Variants in ADAMTS12 observed in about 807,000 individuals in gnomAD.
ADAMTS12 encodes ADAM metallopeptidase with thrombospondin type 1 motif 12.
Under a neutral mutation model 167.8 loss-of-function variants are expected in ADAMTS12, and 118 were observed. That is an observed-to-expected ratio of 0.70 (90% CI 0.61 to 0.82). The LOEUF is 0.82. Among genes scored for constraint, ADAMTS12 ranks in the 40% least tolerant of loss-of-function variants. The probability of loss-of-function intolerance (pLI) is 0.00; values close to 1 mark genes in which losing one functional copy is unlikely to be tolerated. For missense variants in ADAMTS12, 1,916 were observed against 1,998.8 expected, an observed-to-expected ratio of 0.96 and a Z score of 0.79; for synonymous variants, 704 against 716.9, an observed-to-expected ratio of 0.98 and a Z score of 0.29.
At chr5:33,889,842 C>T (rs1194853257) in intron 1 of ADAMTS12, among the ~76,000 whole-genome samples, 1 of 152,090 alleles carries the variant, frequency 6.6e-6, no homozygotes, top group Non-Finnish European at 1.5e-5. Flanking sequence ...ATCCCAGGTA[C>T]TTGGTTGGCT....
chr5:33,560,065 TA>T, intron 20 of ADAMTS12, among the ~76,000 whole-genome samples: 1 of 152,338 alleles, frequency 6.6e-6, no homozygotes, highest in Non-Finnish European at 1.5e-5. Context: ...GATTATTCAT[TA>T]AAATGCTAAA....
chr5:33,549,656 C>T (rs1487912911), intron 20 of ADAMTS12, among the ~76,000 whole-genome samples: 2 of 152,246 alleles, frequency 1.3e-5, no homozygotes, highest in Non-Finnish European at 2.9e-5. Flanking sequence ...GGTGTCCCAT[C>T]TCTAAACTGG....
At chr5:33,560,719 A>G (rs556291694) in intron 20 of ADAMTS12, among the ~76,000 whole-genome samples, 275 of 138,656 alleles carry the variant, frequency 2.0e-3, no homozygotes, top group Admixed American at 3.8e-3. Context: ...GAATTAAACA[A>G]TGAGAACACA....
At chr5:33,879,426 C>T (rs1750345986) in intron 2 of ADAMTS12, among the ~76,000 whole-genome samples, 1 of 152,068 alleles carries the variant, frequency 6.6e-6, no homozygotes, top group Non-Finnish European at 1.5e-5. Flanking sequence ...GACCAGGTGC[C>T]ATAATGCTTC....
chr5:33,864,839 G>A (rs1031495635), intron 2 of ADAMTS12, among the ~76,000 whole-genome samples: 2 of 152,202 alleles, frequency 1.3e-5, no homozygotes, highest in Admixed American at 6.5e-5. Flanking sequence ...GGGCCTGTAG[G>A]GGGTTAGGGG....
At chr5:33,664,835 C>A (rs1459791636) in intron 5 of ADAMTS12, among the ~76,000 whole-genome samples, 2 of 152,114 alleles carry the variant, frequency 1.3e-5, no homozygotes, top group Admixed American at 6.5e-5. Flanking sequence ...CAAAGAGATA[C>A]CTGCCATGTT....
intron 3 of ADAMTS12, among the ~76,000 whole-genome samples, chr5:33,717,253 C>A (rs1259867178): frequency 6.6e-6 from 1 of 151,974 alleles, no homozygotes; most frequent in African/African-American, 2.4e-5. Flanking sequence ...AAGCTCAGTC[C>A]TCGCAAGTAA....
At chr5:33,535,109 A>C in intron 22 of ADAMTS12, 117 bp from the exon 23 acceptor site, 1 of 1,087,442 alleles carries the variant, frequency 9.2e-7, no homozygotes, top group Non-Finnish European at 1.3e-6. Context: ...ATAACCAGAA[A>C]CCTTTTTGGA....
At chr5:33,856,351 G>A (rs1259060402) in intron 2 of ADAMTS12, among the ~76,000 whole-genome samples, 1 of 152,142 alleles carries the variant, frequency 6.6e-6, no homozygotes, top group Non-Finnish European at 1.5e-5. Context: ...ACATAAAGCT[G>A]GGCCAAATCC....
At chr5:33,561,228 A>T in intron 19 of ADAMTS12, 49 bp from the exon 20 acceptor site, 1 of 1,592,312 alleles carries the variant, frequency 6.3e-7, no homozygotes, top group African/African-American at 1.3e-5. Flanking sequence ...TCACCTTCTC[A>T]CACATGCCCC....
intron 5 of ADAMTS12, 105 bp from the exon 6 acceptor site, chr5:33,662,145 G>C (rs1192147503): frequency 6.9e-7 from 1 of 1,439,650 alleles, no homozygotes; most frequent in Non-Finnish European, 9.4e-7. Context: ...ATGAATTCAG[G>C]GTGGGTGCAT....
intron 9 of ADAMTS12, among the ~76,000 whole-genome samples, chr5:33,645,725 C>G (rs1388263604): frequency 6.6e-6 from 1 of 152,188 alleles, no homozygotes; most frequent in East Asian, 1.9e-4. Context: ...AAAGTTATAA[C>G]ATGGATAATG....
chr5:33,837,012 T>C (rs1748554444), intron 2 of ADAMTS12, among the ~76,000 whole-genome samples: 1 of 152,082 alleles, frequency 6.6e-6, no homozygotes, highest in African/African-American at 2.4e-5. Flanking sequence ...GCCTTCCAGA[T>C]TGCTGGGATT....
intron 3 of ADAMTS12, among the ~76,000 whole-genome samples, chr5:33,710,986 T>C (rs2112316757): frequency 6.6e-6 from 1 of 152,272 alleles, no homozygotes; most frequent in South Asian, 2.1e-4. Flanking sequence ...TGATATACCA[T>C]CTTGAGGGAT....
chr5:33,812,337 G>A (rs1747492425), intron 2 of ADAMTS12, among the ~76,000 whole-genome samples: 1 of 152,112 alleles, frequency 6.6e-6, no homozygotes, highest in South Asian at 2.1e-4. Context: ...AGATGTTGAT[G>A]GGAGAATTAG....
intron 2 of ADAMTS12, among the ~76,000 whole-genome samples, chr5:33,851,395 C>T (rs112979709): frequency 6.6e-6 from 1 of 152,042 alleles, no homozygotes; most frequent in African/African-American, 2.4e-5. Flanking sequence ...CTGGGTGACA[C>T]AGCGAGACTC....
chr5:33,591,207 T>C (rs1747621564), intron 17 of ADAMTS12, among the ~76,000 whole-genome samples: 1 of 152,102 alleles, frequency 6.6e-6, no homozygotes, highest in African/African-American at 2.4e-5. Flanking sequence ...TGAGATCAAG[T>C]AGAAGGGATG....
chr5:33,749,343 A>G (rs1744895955), intron 3 of ADAMTS12, among the ~76,000 whole-genome samples: 1 of 152,152 alleles, frequency 6.6e-6, no homozygotes, highest in Non-Finnish European at 1.5e-5. Context: ...GAGCTTGGCT[A>G]TATTCTGACA....
chr5:33,623,302 G>A (rs904347157), intron 14 of ADAMTS12, among the ~76,000 whole-genome samples: 1 of 152,238 alleles, frequency 6.6e-6, no homozygotes, highest in East Asian at 1.9e-4. Flanking sequence ...CCTACTCCCA[G>A]CATCTCTATG....
Sources: gnomAD v4.1 joint callset for allele counts (sites outside exome capture counted in the v4.1 genomes callset) on GRCh38, gnomAD v4.1.1 for gene constraint, MANE v1.5 for transcripts, NCBI Gene and HGNC (gene_info 2026-07-23, HGNC 2026-07-21) for gene names.